TANC2: variants seen among roughly 807,000 people sequenced by gnomAD.
TANC2 encodes the protein protein TANC2.
A neutral mutation model predicts 210.5 loss-of-function variants in TANC2; 26 were observed. That is an observed-to-expected ratio of 0.12 (90% CI 0.09 to 0.17). TANC2 has a LOEUF of 0.17. Among genes scored for constraint, TANC2 ranks in the 10% least tolerant of loss-of-function variants. TANC2 has a pLI of 1.00. For synonymous variants in TANC2, 931 were observed against 967.1 expected, an observed-to-expected ratio of 0.96 and a Z score of 0.69; for missense variants, 2,129 against 2,608.9, an observed-to-expected ratio of 0.82 and a Z score of 4.01.
At chr17:63,303,585 G>A (rs1055828317) in intron 9 of TANC2, among the ~76,000 whole-genome samples, 29 of 152,024 alleles carry the variant, frequency 1.9e-4, no homozygotes, top group Admixed American at 1.0e-3. Flanking sequence ...GGGGTTGATC[G>A]TCTCGTGGAG....
rs1046808571 is a variant in TANC2, at chr17:63,331,860, G to C, written c.1576-8241G>C. The C allele has an allele frequency of 5.4e-3, 570 of 105,072 alleles. 4 individuals carry two copies. Among genetic ancestry groups the C allele is most frequent in the African/African-American group, 0.014 (245 of 17,894 alleles). 6.5% of individuals were successfully genotyped at this position (105,072 alleles called of 1,614,324 possible). The stretch of plus-strand genomic sequence containing the variant: ...AGTGTGTGTGTGTGTGTGTGTCTGT[G>C]TGTGTGTGTGTGTGTGTGTGTGTGT... On this transcript the variant is annotated intron_variant, in intron 11 of 27. Coordinates refer to ENST00000689528, the Ensembl canonical transcript of TANC2.
At chr17:63,026,596 G>A (rs1016182185) in intron 2 of TANC2, among the ~76,000 whole-genome samples, 1 of 152,150 alleles carries the variant, frequency 6.6e-6, no homozygotes, top group Non-Finnish European at 1.5e-5. Context: ...TGGTTAGAGA[G>A]ACTGGCACAC....
At chr17:63,413,576 C>T in exon 25 of TANC2, 1 of 1,601,938 alleles carries the variant, frequency 6.2e-7, no homozygotes, top group Non-Finnish European at 8.5e-7. Flanking sequence ...ACCTCCAAGC[C>T]AGACATCATG....
At chr17:63,368,531 A>T (rs1400622887) in intron 14 of TANC2, among the ~76,000 whole-genome samples, 1 of 152,260 alleles carries the variant, frequency 6.6e-6, no homozygotes, top group Non-Finnish European at 1.5e-5. Context: ...TGCTAAAAGA[A>T]GATGATGAGC....
At chr17:63,308,921 A>G (rs1055270951) in intron 9 of TANC2, among the ~76,000 whole-genome samples, 2 of 152,152 alleles carry the variant, frequency 1.3e-5, no homozygotes, top group African/African-American at 4.8e-5. Context: ...AATTAATCCT[A>G]TCATACCTTC....
intron 2 of TANC2, among the ~76,000 whole-genome samples, chr17:63,027,950 A>G (rs929085947): frequency 7.2e-5 from 11 of 151,856 alleles, no homozygotes; most frequent in African/African-American, 1.7e-4. Context: ...TTTCTATTCT[A>G]TTCTGGTTCT....
chr17:62,967,757 CT>C (rs1466402225), intron 1 of TANC2: 1 of 151,506 alleles, frequency 6.6e-6, no homozygotes, highest in Non-Finnish European at 1.5e-5. Flanking sequence ...GAGCCAGTAT[CT>C]ATCACAATGG....
intron 2 of TANC2, among the ~76,000 whole-genome samples, chr17:63,012,850 C>T (rs1373561295): frequency 3.3e-5 from 5 of 151,874 alleles, no homozygotes; most frequent in East Asian, 1.9e-4. Context: ...GATGAGATCT[C>T]GTTATGTTTC....
intron 9 of TANC2, among the ~76,000 whole-genome samples, chr17:63,282,519 G>C (rs185070885): frequency 6.6e-6 from 1 of 152,192 alleles, no homozygotes; most frequent in East Asian, 1.9e-4. Flanking sequence ...TCATGATCAA[G>C]TGGTTTCACC....
At chr17:63,245,773 G>A (rs537582759) in intron 8 of TANC2, among the ~76,000 whole-genome samples, 1 of 151,782 alleles carries the variant, frequency 6.6e-6, no homozygotes, top group Non-Finnish European at 1.5e-5. Flanking sequence ...AACCCGGGAG[G>A]TGGAGGTTGC....
chr17:63,410,339 C>CG (rs2048652277), intron 21 of TANC2, among the ~76,000 whole-genome samples: 1 of 115,626 alleles, frequency 8.6e-6, no homozygotes, highest in South Asian at 3.2e-4. Context: ...CTCTCCAATC[C>CG]CCCCCCCCCA....
At position 62,970,280 on chromosome 17, in the gene TANC2, C is replaced by T. The variant is rs530948191; in HGVS notation, c.-24+3531C>T. On this transcript the variant is annotated intron_variant, in intron 1 of 27. Transcript: ENST00000689528. ...AAAACTTATTCAGCATATATGCTTACGTAATTTAATATATTTAATAAATTG... is the reference window on the plus strand; with the variant it reads ...AAAACTTATTCAGCATATATGCTTATGTAATTTAATATATTTAATAAATTG... 1.6e-4 allele frequency among the ~76,000 whole-genome samples: 25 copies of T among 152,198 alleles called. No individual in the cohort carries two copies. In the East Asian group the frequency reaches 2.5e-3, roughly 15 times the overall value.
rs2037570798 is a variant in TANC2 at position 63,100,263 on chromosome 17, T to A, written c.322+906T>A. The stretch of plus-strand genomic sequence containing the variant: ...AATGAAATTTTTGGGCACTTCTGTC[T>A]ATGTAGAGTGAAACTTTTTCACTGT... On this transcript the variant is annotated intron_variant, in intron 4 of 27. Coordinates refer to ENST00000689528, the Ensembl canonical transcript of TANC2. 2.0e-5 allele frequency among the ~76,000 whole-genome samples: 3 copies of A among 152,180 alleles called. 1 individual carries two copies. The South Asian group carries it at 6.2e-4, about 32-fold the overall frequency.
chr17:63,097,839 G>A (rs1169408752), intron 3 of TANC2, among the ~76,000 whole-genome samples: 1 of 151,798 alleles, frequency 6.6e-6, no homozygotes, highest in Non-Finnish European at 1.5e-5. Context: ...TGTGCTTTTG[G>A]TGTCATATCT....
At chr17:63,388,991 G>A (rs1001128298) in intron 16 of TANC2, among the ~76,000 whole-genome samples, 3 of 152,110 alleles carry the variant, frequency 2.0e-5, no homozygotes, top group Non-Finnish European at 2.9e-5. Context: ...GGTCCTGCTG[G>A]TTCCAAAGAG....
At chr17:63,118,750 C>G (rs1336110867) in intron 4 of TANC2, among the ~76,000 whole-genome samples, 2 of 151,086 alleles carry the variant, frequency 1.3e-5, no homozygotes, top group Admixed American at 6.6e-5. Context: ...GCTTGGACTA[C>G]AGGCATGTGC....
chr17:63,160,242 T>C (rs1363470385), intron 5 of TANC2, among the ~76,000 whole-genome samples: 1 of 152,188 alleles, frequency 6.6e-6, no homozygotes, highest in East Asian at 1.9e-4. Flanking sequence ...TACGTACTTT[T>C]AAAGTAAAGG....
At chr17:63,073,842 A>G in intron 2 of TANC2, 101 bp from the exon 3 acceptor site, 1 of 991,710 alleles carries the variant, frequency 1.0e-6, no homozygotes, top group Admixed American at 2.7e-5. Flanking sequence ...GGAAATACAA[A>G]TAAATGATCG....
At chr17:63,031,622 A>T (rs1223806528) in intron 2 of TANC2, among the ~76,000 whole-genome samples, 1 of 152,082 alleles carries the variant, frequency 6.6e-6, no homozygotes, top group African/African-American at 2.4e-5. Flanking sequence ...TCTAAGGATG[A>T]GGTATTATTA....
Sources: allele counts gnomAD v4.1 joint callset (sites outside exome capture counted in the v4.1 genomes callset), GRCh38; gene constraint gnomAD v4.1.1; transcripts MANE v1.5; gene names NCBI Gene and HGNC (gene_info 2026-07-23, HGNC 2026-07-21).